Variants in SLC22A23 observed in about 807,000 individuals in gnomAD.
SLC22A23 encodes the protein solute carrier family 22 member 23.
SLC22A23 carries 26 observed loss-of-function variants against 61.0 expected under a neutral mutation model. The ratio of observed to expected loss-of-function variants is 0.43; its 90% CI spans 0.31 to 0.59. SLC22A23 has a LOEUF of 0.59. Ranked by LOEUF, SLC22A23 falls within the 20% of genes least tolerant of loss-of-function variation. The probability of loss-of-function intolerance (pLI) is 0.11; values close to 1 mark genes in which losing one functional copy is unlikely to be tolerated. For synonymous variants in SLC22A23, 430 were observed against 413.9 expected (o/e 1.04, Z -0.47); for missense variants, 796 against 934.7 (o/e 0.85, Z 1.94).
intron 1 of SLC22A23, among the ~76,000 whole-genome samples, chr6:3,420,748 C>T (rs185641139): frequency 2.6e-5 from 4 of 152,278 alleles, no homozygotes; most frequent in South Asian, 2.1e-4. Context: ...TTGAGTTAAG[C>T]GCCCACATGA....
At chr6:3,275,818 G>A (rs1469216033) in intron 9 of SLC22A23, among the ~76,000 whole-genome samples, 5 of 152,200 alleles carry the variant, frequency 3.3e-5, no homozygotes, top group East Asian at 1.9e-4. Context: ...TCCTAACCTC[G>A]TGATCCACCC....
intron 6 of SLC22A23, among the ~76,000 whole-genome samples, chr6:3,288,756 G>A (rs893753344): frequency 2.6e-5 from 4 of 152,248 alleles, no homozygotes; most frequent in African/African-American, 9.6e-5. Flanking sequence ...CCTGAACCAG[G>A]CAGCAGCAGA....
intron 4 of SLC22A23, among the ~76,000 whole-genome samples, chr6:3,316,672 C>CT (rs1172092025): frequency 2.0e-5 from 3 of 152,210 alleles, no homozygotes; most frequent in Non-Finnish European, 4.4e-5. Context: ...GGGTCTTGCT[C>CT]TGTCACCCAG....
intron 1 of SLC22A23, among the ~76,000 whole-genome samples, chr6:3,437,277 A>G (rs1470604435): frequency 1.3e-5 from 2 of 152,194 alleles, no homozygotes; most frequent in Admixed American, 1.3e-4. Flanking sequence ...AAACAAAACA[A>G]AACCACACAC....
chr6:3,287,154 C>T (rs1760094088), intron 6 of SLC22A23, 63 bp from the exon 7 acceptor site: 2 of 1,508,964 alleles, frequency 1.3e-6, no homozygotes, highest in East Asian at 2.4e-5. Flanking sequence ...GCGCTGCCTC[C>T]TGGGAGTTCG....
chr6:3,413,050 G>T (rs377319595), intron 2 of SLC22A23, among the ~76,000 whole-genome samples: 1 of 152,190 alleles, frequency 6.6e-6, no homozygotes, highest in Non-Finnish European at 1.5e-5. Context: ...GTAGCAATTT[G>T]TAACAGCAGC....
In SLC22A23 at chr6:3,286,653, A is replaced by C. The variant is rs9503524; in HGVS notation, c.1546+206T>G. ...ATCATGGTGCAGCCCGGGCCGGGGC[A>C]GGGGCAGGGGGAGGCGGGAAGGCCC... On this transcript the variant is annotated intron_variant, in intron 7 of 9. Coordinates refer to ENST00000406686, the MANE Select transcript of SLC22A23 (RefSeq NM_015482.2). The surrounding 1 kb of genome is among the most constrained non-coding windows in gnomAD (Gnocchi z 4.2). 0.11 allele frequency among the ~76,000 whole-genome samples: 17,234 copies of C among 152,240 alleles called. 1,194 individuals are homozygous for C. Among genetic ancestry groups the C allele is most frequent in the African/African-American group, 0.18 (7,632 of 41,540 alleles).
chr6:3,409,089 T>C (rs1189206604), intron 3 of SLC22A23, among the ~76,000 whole-genome samples: 1 of 152,190 alleles, frequency 6.6e-6, no homozygotes, highest in African/African-American at 2.4e-5. Flanking sequence ...CCAAACACCA[T>C]CACCCAGGCC....
rs116535430 is a variant in SLC22A23, at chr6:3,428,983, C to T, written c.655-13128G>A. 3.9e-3 allele frequency among the ~76,000 whole-genome samples: 415 copies of T among 106,894 alleles called. 5 individuals are homozygous for T. Among genetic ancestry groups the T allele is most frequent in the African/African-American group, 0.01 (366 of 36,238 alleles). The allele number at this position is 106,894 out of a possible 152,430, so 70.1% of individuals were successfully genotyped here. A position where few individuals can be genotyped will look rare whatever the true frequency, so the allele number is the denominator to read the frequency against. On this transcript the variant is annotated intron_variant, in intron 1 of 9. Transcript: ENST00000406686. Reference sequence around the variant, plus strand: ...GGGGCTCTGTAGCCCCCTCTTCAAACGTATTTGGCTTCGGAAACCCTCTCC... The same window carrying T: ...GGGGCTCTGTAGCCCCCTCTTCAAATGTATTTGGCTTCGGAAACCCTCTCC...
intron 3 of SLC22A23, among the ~76,000 whole-genome samples, chr6:3,396,913 GAT>G (rs34302881): frequency 0.26 from 39,437 of 151,918 alleles, 5,635 homozygotes; most frequent in Middle Eastern, 0.38. Flanking sequence ...AGAACCCCAG[GAT>G]ACAGAAAGCC....
intron 3 of SLC22A23, among the ~76,000 whole-genome samples, chr6:3,368,232 T>C (rs1193236859): frequency 6.6e-6 from 1 of 152,222 alleles, no homozygotes; most frequent in African/African-American, 2.4e-5. Flanking sequence ...CACCCTGCTC[T>C]TCCACATGGT....
intron 3 of SLC22A23, among the ~76,000 whole-genome samples, chr6:3,406,941 G>C (rs533470645): frequency 6.6e-6 from 1 of 151,778 alleles, no homozygotes; most frequent in African/African-American, 2.4e-5. Context: ...TCAAAATGAA[G>C]AGTCCACCCT....
At chr6:3,416,763 C>G (rs772923325) in intron 1 of SLC22A23, among the ~76,000 whole-genome samples, 6 of 152,194 alleles carry the variant, frequency 3.9e-5, no homozygotes, top group Non-Finnish European at 2.9e-5. Flanking sequence ...AAGAAGTGGG[C>G]AAAGCTTCTG....
intron 7 of SLC22A23, among the ~76,000 whole-genome samples, chr6:3,285,815 G>A (rs1200617507): frequency 2.0e-5 from 3 of 152,128 alleles, no homozygotes; most frequent in Non-Finnish European, 2.9e-5. Flanking sequence ...ATCTGGGTGC[G>A]GTGGACAGCC....
chr6:3,307,211 G>C (rs1174976964), intron 4 of SLC22A23, among the ~76,000 whole-genome samples: 1 of 152,208 alleles, frequency 6.6e-6, no homozygotes, highest in Non-Finnish European at 1.5e-5. Flanking sequence ...GTCCAGGCAG[G>C]TGTCCTCACT....
chr6:3,336,723 C>G (rs1413359431), intron 3 of SLC22A23, among the ~76,000 whole-genome samples: 1 of 151,770 alleles, frequency 6.6e-6, no homozygotes, highest in Non-Finnish European at 1.5e-5. Context: ...AAATCAGGCA[C>G]AACTTCCATG....
At chr6:3,281,201 A>C (rs963618545) in intron 9 of SLC22A23, among the ~76,000 whole-genome samples, 2 of 152,170 alleles carry the variant, frequency 1.3e-5, no homozygotes, top group African/African-American at 4.8e-5. Flanking sequence ...AAGCTGGGAG[A>C]TGGGCACAGT....
chr6:3,363,093 C>T (rs770051685), intron 3 of SLC22A23, among the ~76,000 whole-genome samples: 6 of 152,312 alleles, frequency 3.9e-5, no homozygotes, highest in Admixed American at 6.5e-5. Flanking sequence ...CAGAAATGGG[C>T]TCTCCGCTCA....
chr6:3,299,819 T>C (rs1761451367), intron 4 of SLC22A23, among the ~76,000 whole-genome samples: 1 of 128,958 alleles, frequency 7.8e-6, no homozygotes, highest in South Asian at 2.1e-4. Context: ...CTTGACTGTT[T>C]GGGAGAGACA....
Sources: allele counts gnomAD v4.1 joint callset (sites outside exome capture counted in the v4.1 genomes callset), GRCh38; gene constraint gnomAD v4.1.1; non-coding constraint Gnocchi (gnomAD v3.1); transcripts MANE v1.5; gene names NCBI Gene and HGNC (gene_info 2026-07-23, HGNC 2026-07-21).